Variants in ANK3 observed in about 807,000 individuals in gnomAD.
ANK3 encodes the protein ankyrin 3.
In ANK3, 57 loss-of-function variants were observed where a neutral mutation model predicts 370.9. The ratio of observed to expected loss-of-function variants is 0.15; its 90% CI spans 0.12 to 0.19. The LOEUF (loss-of-function observed/expected upper bound fraction) is 0.19. Ranked by LOEUF, ANK3 falls within the 10% of genes least tolerant of loss-of-function variation. The pLI, the probability that ANK3 is intolerant of heterozygous loss-of-function variation, is 1.00. For missense variants in ANK3, 4,439 were observed against 5,302.1 expected (o/e 0.84, Z 5.06); for synonymous variants, 1,929 against 1,946.3 (o/e 0.99, Z 0.23).
intron 2 of ANK3, among the ~76,000 whole-genome samples, chr10:60,445,264 C>T (rs185894699): frequency 1.3e-5 from 2 of 152,100 alleles, no homozygotes; most frequent in East Asian, 3.9e-4. Context: ...GTGGTGCACG[C>T]CTGTAGTCCC....
chr10:60,288,899 C>T (rs1355046255), intron 1 of ANK3, among the ~76,000 whole-genome samples: 1 of 151,220 alleles, frequency 6.6e-6, no homozygotes, highest in Non-Finnish European at 1.5e-5. Context: ...AACACACACA[C>T]ACACACACAC....
chr10:60,399,982 C>T (rs1256689369), intron 2 of ANK3, among the ~76,000 whole-genome samples: 6 of 149,986 alleles, frequency 4.0e-5, no homozygotes, highest in Non-Finnish European at 5.9e-5. Flanking sequence ...TCAATGAAAA[C>T]AAAATATAAA....
At chr10:60,542,726 A>C (rs1488065465) in intron 2 of ANK3, among the ~76,000 whole-genome samples, 1 of 152,014 alleles carries the variant, frequency 6.6e-6, no homozygotes. Flanking sequence ...CGTGAGGTTT[A>C]TCTCTCCTGC....
chr10:60,612,508 T>A (rs1192176472), intron 2 of ANK3, among the ~76,000 whole-genome samples: 3 of 152,184 alleles, frequency 2.0e-5, no homozygotes, highest in Admixed American at 2.0e-4. Context: ...CATTTTATTT[T>A]TTAGATGGAG....
chr10:60,399,828 C>T (rs2063318960), intron 2 of ANK3, among the ~76,000 whole-genome samples: 1 of 152,152 alleles, frequency 6.6e-6, no homozygotes, highest in East Asian at 1.9e-4. Flanking sequence ...CAACACTTTG[C>T]TCCACTCTAA....
At chr10:60,281,975 T>A (rs11815139) in intron 1 of ANK3, among the ~76,000 whole-genome samples, 1 of 152,134 alleles carries the variant, frequency 6.6e-6, no homozygotes, top group Non-Finnish European at 1.5e-5. Context: ...AAAAACAGAA[T>A]GCAGTTTTTA....
chr10:60,311,474 CAAAA>C (rs57897005), intron 1 of ANK3, among the ~76,000 whole-genome samples: 25,432 of 125,730 alleles, frequency 0.2, 2,452 homozygotes, highest in Admixed American at 0.31. Context: ...ATATGGAAGC[CAAAA>C]AAAAAAAAAA....
chr10:60,601,212 C>T (rs1420111395), intron 2 of ANK3, among the ~76,000 whole-genome samples: 1 of 151,682 alleles, frequency 6.6e-6, no homozygotes, highest in Non-Finnish European at 1.5e-5. Context: ...CGCACACACA[C>T]CCAACATCCC....
intron 2 of ANK3, among the ~76,000 whole-genome samples, chr10:60,430,281 A>G (rs1458050376): frequency 6.6e-6 from 1 of 152,206 alleles, no homozygotes; most frequent in Non-Finnish European, 1.5e-5. Context: ...GTGTGTGGGA[A>G]TACCAGCCCA....
chr10:60,488,826 A>G (rs1212233013), intron 2 of ANK3, among the ~76,000 whole-genome samples: 1 of 152,232 alleles, frequency 6.6e-6, no homozygotes, highest in Non-Finnish European at 1.5e-5. Context: ...TAAAAGCTGT[A>G]GTTTATTCAT....
At chr10:60,684,965 G>A (rs2079248555) in intron 1 of ANK3, 1 of 1,551,366 alleles carries the variant, frequency 6.4e-7, no homozygotes, top group South Asian at 1.1e-5. Context: ...TTAGCAACAG[G>A]TGAACTGAGC....
At chr10:60,670,139 T>C (rs991012186) in intron 1 of ANK3, among the ~76,000 whole-genome samples, 12 of 152,032 alleles carry the variant, frequency 7.9e-5, no homozygotes, top group Admixed American at 2.0e-4. Context: ...TGATTTTAAA[T>C]ATCCCATGGC....
At chr10:60,320,967 C>T (rs2048506843) in intron 1 of ANK3, among the ~76,000 whole-genome samples, 1 of 152,152 alleles carries the variant, frequency 6.6e-6, no homozygotes, top group African/African-American at 2.4e-5. Flanking sequence ...TTGAAAATCA[C>T]TATTACAGAG....
intron 1 of ANK3, among the ~76,000 whole-genome samples, chr10:60,634,442 T>C (rs938876064): frequency 2.6e-5 from 4 of 152,134 alleles, no homozygotes; most frequent in East Asian, 1.9e-4. Flanking sequence ...CTTTTCTGTC[T>C]AGCTAAAGGA....
intron 28 of ANK3, among the ~76,000 whole-genome samples, chr10:60,101,171 T>G (rs764883639): frequency 1.3e-5 from 2 of 152,236 alleles, no homozygotes; most frequent in Non-Finnish European, 2.9e-5. Flanking sequence ...TCCTCGCGTA[T>G]CTGGTGTATT....
At chr10:60,399,718 T>C (rs1461792968) in intron 2 of ANK3, among the ~76,000 whole-genome samples, 1 of 152,122 alleles carries the variant, frequency 6.6e-6, no homozygotes, top group African/African-American at 2.4e-5. Flanking sequence ...CACTTAGCCA[T>C]CAGTAATCAG....
chr10:60,326,692 G>A (rs2049952518), intron 1 of ANK3, among the ~76,000 whole-genome samples: 1 of 151,962 alleles, frequency 6.6e-6, no homozygotes, highest in Non-Finnish European at 1.5e-5. Context: ...AAATGAATAG[G>A]TGGATGTGGA....
At chr10:60,709,645 C>T (rs1427585432) in intron 1 of ANK3, among the ~76,000 whole-genome samples, 2 of 151,778 alleles carry the variant, frequency 1.3e-5, no homozygotes, top group African/African-American at 2.4e-5. Flanking sequence ...GGCAACATGG[C>T]GAAACCCTGT....
In ANK3 at chr10:60,631,143, G is replaced by A. The variant is rs539270791; in HGVS notation, c.58-15919C>T. Reference sequence around the variant, plus strand: ...GTGAACAGGTTTGGGATGGCAGGAAGAGGTGGACTGTGCCAGGTAATCAGG... The same window carrying A: ...GTGAACAGGTTTGGGATGGCAGGAAAAGGTGGACTGTGCCAGGTAATCAGG... On this transcript the variant is annotated intron_variant, in intron 1 of 43. Coordinates refer to the ANK3 transcript ENST00000373827. Among the ~76,000 whole-genome samples, 19 of 152,300 alleles carry A rather than the reference G, an allele frequency of 1.2e-4. 1 individual carries two copies. Among genetic ancestry groups the A allele is most frequent in the East Asian group, 1.2e-3 (6 of 5,178 alleles).
Sources: gnomAD v4.1 joint callset for allele counts (sites outside exome capture counted in the v4.1 genomes callset) on GRCh38, gnomAD v4.1.1 for gene constraint, MANE v1.5 for transcripts, NCBI Gene and HGNC (gene_info 2026-07-23, HGNC 2026-07-21) for gene names.